Variants in SEC24A observed in about 807,000 individuals in gnomAD.
SEC24A encodes protein transport protein Sec24A.
Under a neutral mutation model 129.4 loss-of-function variants are expected in SEC24A, and 93 were observed. The observed-to-expected ratio is 0.72, with a 90% confidence interval of 0.61 to 0.85. SEC24A has a LOEUF of 0.85. Ranked by LOEUF, SEC24A falls within the 40% of genes least tolerant of loss-of-function variation. The pLI, the probability that SEC24A is intolerant of heterozygous loss-of-function variation, is 0.00. For synonymous variants in SEC24A, 460 were observed against 467.3 expected, an observed-to-expected ratio of 0.98 and a Z score of 0.20; for missense variants, 1,264 against 1,307.4, an observed-to-expected ratio of 0.97 and a Z score of 0.51.
intron 15 of SEC24A, among the ~76,000 whole-genome samples, chr5:134,702,977 C>G (rs1580728536): frequency 6.6e-6 from 1 of 151,994 alleles, no homozygotes; most frequent in East Asian, 1.9e-4. Flanking sequence ...GTTGCCAAGG[C>G]TGGTCTCGAA....
At position 134,727,145 on chromosome 5, in the gene SEC24A, TTTGA is replaced by T. The variant is rs1231279749; in HGVS notation, c.*2054_*2057del. On this transcript the variant is annotated 3_prime_UTR_variant, in exon 23 of 23. Transcript: ENST00000398844. ...TTGCAATGTTGAATGTGTTTTTTAG[TTTGA>T]TTCTTTTTTTTTCCCCCAATAGGGC... 6 of 152,700 alleles carry T rather than the reference TTTGA, an allele frequency of 3.9e-5. No individual in the cohort carries two copies. The highest frequency in any genetic ancestry group is 5.9e-5 in the Non-Finnish European group (4 of 67,980). 9.5% of individuals were successfully genotyped at this position (152,700 alleles called of 1,614,324 possible).
chr5:134,708,152 A>G (rs1030174922), intron 17 of SEC24A, among the ~76,000 whole-genome samples: 1 of 151,870 alleles, frequency 6.6e-6, no homozygotes, highest in Non-Finnish European at 1.5e-5. Flanking sequence ...AAATAACTCT[A>G]AGAGCTCTTT....
At chr5:134,654,232 A>T (rs28566051) in intron 1 of SEC24A, among the ~76,000 whole-genome samples, 2,140 of 151,448 alleles carry the variant, frequency 0.014, 58 homozygotes, top group African/African-American at 0.049. Context: ...ATATATATAT[A>T]TTTTTTGAGA....
chr5:134,705,353 T>G lies in SEC24A; in HGVS notation c.2467T>G (p.Leu823Val). Residue 823 changes from leucine (L) to valine (V), a missense_variant, in exon 17 of 23, where the codon TTG becomes GTG. Transcript: ENST00000398844. The stretch of plus-strand genomic sequence containing the variant: ...CGAAAGAAGAATTCGTGTTCATACT[T>G]TGTGTTTGCCAGTAGTTTCGACTCT... ...KGERRIRVHT[L>V]CLPVVSTLND... The G allele has an allele frequency of 6.2e-7, 1 of 1,613,618 alleles. No individual in the cohort carries two copies. Among genetic ancestry groups the G allele is most frequent in the Non-Finnish European group, 8.5e-7 (1 of 1,179,758 alleles).
At chr5:134,713,595 AC>A (rs1282001544) in intron 18 of SEC24A, among the ~76,000 whole-genome samples, 1 of 152,124 alleles carries the variant, frequency 6.6e-6, no homozygotes, top group East Asian at 1.9e-4. Flanking sequence ...AATAGATGGA[AC>A]TTTCCTTCTT....
chr5:134,713,419 C>T (rs2150110472), intron 18 of SEC24A, among the ~76,000 whole-genome samples: 1 of 152,208 alleles, frequency 6.6e-6, no homozygotes, highest in Admixed American at 6.6e-5. Context: ...TTTCCTATAG[C>T]ATTTATCACT....
intron 4 of SEC24A, among the ~76,000 whole-genome samples, chr5:134,672,257 G>A (rs747881531): frequency 2.6e-5 from 4 of 152,130 alleles, no homozygotes; most frequent in Admixed American, 6.6e-5. Flanking sequence ...GCAGTATCTC[G>A]GTTCACTGCA....
At chr5:134,659,792 A>C (rs1750385011) in intron 1 of SEC24A, among the ~76,000 whole-genome samples, 1 of 151,876 alleles carries the variant, frequency 6.6e-6, no homozygotes, top group Admixed American at 6.6e-5. Flanking sequence ...GCTGGGACTT[A>C]CAGGCAGGCG....
At chr5:134,719,548 C>T (rs1415721420) in intron 20 of SEC24A, among the ~76,000 whole-genome samples, 4 of 151,936 alleles carry the variant, frequency 2.6e-5, no homozygotes, top group Admixed American at 1.3e-4. Context: ...CAAATCCAGG[C>T]GTGGTCACGT....
rs370559578 is a variant in SEC24A, at chr5:134,661,228, A to T, written c.207A>T (p.Pro69=). ...CAATACCAGCAAAGACTTTGAATCC[A>T]GTCTCTGGACAGTCTAACTATGGTG... ...PHPIPAKTLN[P]VSGQSNYGGS... The change falls in exon 2 of 23, where the codon CCA becomes CCT. Residue 69 remains proline (P), a synonymous_variant. Transcript: ENST00000398844. 3.1e-6 allele frequency: 5 copies of T among 1,614,198 alleles called. No homozygotes were observed. The South Asian group carries it at 5.5e-5, about 18-fold the overall frequency.
At chr5:134,699,301 C>CGTTTTTTTTTTTTTTTTTTTTTTTT (rs1429369613) in intron 15 of SEC24A, among the ~76,000 whole-genome samples, 11 of 138,420 alleles carry the variant, frequency 7.9e-5, no homozygotes, top group African/African-American at 3.0e-4. Context: ...CCATTTTATC[C>CGTTTTTTTTTTTTTTTTTTTTTTTT]TTTTTTTTTT....
chr5:134,649,713 CAA>C (rs1242008367), intron 1 of SEC24A, among the ~76,000 whole-genome samples: 5 of 152,102 alleles, frequency 3.3e-5, no homozygotes, highest in Non-Finnish European at 7.3e-5. Context: ...GTGGAAAAAC[CAA>C]ATAGAAGGGA....
rs70976550 is a variant in SEC24A at position 134,657,182 on chromosome 5, G to GCACACACACACA, written c.98-3916_98-3905dup. 7.8e-4 allele frequency among the ~76,000 whole-genome samples: 106 copies of GCACACACACACA among 136,312 alleles called. 1 individual carries two copies. Among genetic ancestry groups the GCACACACACACA allele is most frequent in the African/African-American group, 2.6e-3 (98 of 37,062 alleles). The allele number at this position is 136,312 out of a possible 152,430, so 89.4% of individuals were successfully genotyped here. Reference sequence around the variant, plus strand: ...GAGCGAGACCTCATTTCTGAAAAACGCACACACACACACACACACACACAC... The same window carrying GCACACACACACA: ...GAGCGAGACCTCATTTCTGAAAAACGCACACACACACACACACACACACACACACACACACAC... On this transcript the variant is annotated intron_variant, in intron 1 of 22. Transcript: ENST00000398844.
intron 4 of SEC24A, among the ~76,000 whole-genome samples, chr5:134,673,137 C>T (rs1332789241): frequency 1.4e-5 from 2 of 147,868 alleles, no homozygotes; most frequent in Admixed American, 7.0e-5. Context: ...CTCACTGCAA[C>T]CTCCAACTCC....
chr5:134,697,249 A>G lies in SEC24A; in HGVS notation c.2107+3A>G. ...GTATTCTGATTTGGCTTCTCTGGGT[A>G]AGTTCTTCGTAATGATTTTTTTTTT... On this transcript the variant is annotated splice_donor_region_variant and intron_variant, in intron 14 of 22. Transcript: ENST00000398844. 6.3e-7 allele frequency: 1 copy of G among 1,591,024 alleles called. No homozygotes were observed. Among genetic ancestry groups the G allele is most frequent in the Non-Finnish European group, 8.6e-7 (1 of 1,164,736 alleles).
intron 9 of SEC24A, among the ~76,000 whole-genome samples, chr5:134,686,513 A>T (rs58669434): frequency 1.3e-5 from 2 of 152,336 alleles, no homozygotes; most frequent in African/African-American, 4.8e-5. Context: ...CTGGGATTAC[A>T]GGCATGAGCC....
At chr5:134,659,377 G>A (rs1038763094) in intron 1 of SEC24A, among the ~76,000 whole-genome samples, 3 of 151,974 alleles carry the variant, frequency 2.0e-5, no homozygotes, top group African/African-American at 7.2e-5. Context: ...TGGCCTCACA[G>A]ACCCATTATT....
chr5:134,660,992 C>T, intron 1 of SEC24A, 127 bp from the exon 2 acceptor site: 1 of 720,642 alleles, frequency 1.4e-6, no homozygotes. Flanking sequence ...CTATTTAAGT[C>T]CTTTGCTTAT....
intron 15 of SEC24A, among the ~76,000 whole-genome samples, chr5:134,699,534 G>T (rs1251463963): frequency 2.0e-5 from 3 of 151,418 alleles, no homozygotes; most frequent in Non-Finnish European, 2.9e-5. Context: ...CTCCTGATCT[G>T]GTGATCCGTC....
Sources: gnomAD v4.1 joint callset for allele counts (sites outside exome capture counted in the v4.1 genomes callset) on GRCh38, gnomAD v4.1.1 for gene constraint, MANE v1.5 for transcripts, NCBI Gene and HGNC (gene_info 2026-07-23, HGNC 2026-07-21) for gene names.